The following NELL1 variants were observed in gnomAD, a reference collection of about 807,000 sequenced individuals.
NELL1 encodes the protein neural EGFL like 1.
A neutral mutation model predicts 107.4 loss-of-function variants in NELL1; 76 were observed. That is an observed-to-expected ratio of 0.71 (90% CI 0.59 to 0.86). The LOEUF is 0.86. NELL1 is among the 40% of genes least tolerant of loss of function. The probability of loss-of-function intolerance (pLI) is 0.00; values close to 1 mark genes in which losing one functional copy is unlikely to be tolerated. For synonymous variants in NELL1, 353 were observed against 341.2 expected, an observed-to-expected ratio of 1.03 and a Z score of -0.38; for missense variants, 1,024 against 1,005.5, an observed-to-expected ratio of 1.02 and a Z score of -0.25.
At chr11:21,522,106 T>G (rs1048772417) in intron 15 of NELL1, among the ~76,000 whole-genome samples, 1 of 152,006 alleles carries the variant, frequency 6.6e-6, no homozygotes, top group East Asian at 1.9e-4. Context: ...AAAAGATACC[T>G]GCCTGTAGTC....
chr11:21,083,780 C>G (rs576701330), intron 12 of NELL1, among the ~76,000 whole-genome samples: 2 of 152,296 alleles, frequency 1.3e-5, no homozygotes, highest in South Asian at 2.1e-4. Flanking sequence ...GGTCTTATTA[C>G]TGTCCCTCAC....
intron 4 of NELL1, among the ~76,000 whole-genome samples, chr11:20,849,530 C>T (rs1430315982): frequency 6.6e-6 from 1 of 152,178 alleles, no homozygotes; most frequent in Non-Finnish European, 1.5e-5. Context: ...ATCTGTAGTT[C>T]ACAGTATTCT....
chr11:20,694,261 A>T (rs1432167589), intron 2 of NELL1, among the ~76,000 whole-genome samples: 4 of 151,576 alleles, frequency 2.6e-5, no homozygotes, highest in Non-Finnish European at 1.5e-5. Flanking sequence ...TAGTTTGATC[A>T]TCTGAAGCCT....
intron 12 of NELL1, among the ~76,000 whole-genome samples, chr11:21,035,341 T>C (rs541109979): frequency 2.4e-4 from 37 of 151,924 alleles, no homozygotes; most frequent in African/African-American, 8.7e-4. Flanking sequence ...ATTCCAAAAA[T>C]CGAGGAGGAA....
chr11:20,956,518 C>T (rs750554887), intron 11 of NELL1, among the ~76,000 whole-genome samples: 2 of 151,644 alleles, frequency 1.3e-5, no homozygotes, highest in East Asian at 2.0e-4. Flanking sequence ...TGGTGGCGGG[C>T]GCCCGTAGTC....
intron 15 of NELL1, among the ~76,000 whole-genome samples, chr11:21,409,089 C>T (rs901929159): frequency 9.9e-5 from 15 of 151,884 alleles, no homozygotes; most frequent in Non-Finnish European, 2.1e-4. Flanking sequence ...GGGCATATAC[C>T]CAAAGGACTA....
chr11:21,504,924 G>A (rs969649730), intron 15 of NELL1, among the ~76,000 whole-genome samples: 4 of 152,038 alleles, frequency 2.6e-5, no homozygotes, highest in Non-Finnish European at 5.9e-5. Context: ...AGAGTTAAGG[G>A]TATTCTAGCT....
chr11:20,967,812 C>G lies in NELL1; in HGVS notation c.1300+7252C>G, dbSNP rs116225752. On this transcript the variant is annotated intron_variant, in intron 12 of 19. Transcript: ENST00000357134. ...ATGCTACTCTCCTGTTGAAATTTGT[C>G]TCATAGCTCCCATGCCTCTTAGAAT... 4.1e-3 allele frequency among the ~76,000 whole-genome samples: 624 copies of G among 152,278 alleles called. 8 individuals are homozygous for G. Among genetic ancestry groups the G allele is most frequent in the African/African-American group, 0.014 (587 of 41,546 alleles).
intron 12 of NELL1, among the ~76,000 whole-genome samples, chr11:20,973,383 C>T (rs1851540771): frequency 1.3e-5 from 2 of 152,310 alleles, no homozygotes; most frequent in South Asian, 4.1e-4. Flanking sequence ...GTTGGGATTA[C>T]AGGCATGAGC....
At chr11:20,692,004 T>C (rs1204250781) in intron 2 of NELL1, among the ~76,000 whole-genome samples, 8 of 152,072 alleles carry the variant, frequency 5.3e-5, no homozygotes, top group Non-Finnish European at 8.8e-5. Flanking sequence ...CTTCCTGGTT[T>C]AGTCTTGGGA....
intron 14 of NELL1, among the ~76,000 whole-genome samples, chr11:21,335,688 C>G (rs1850373999): frequency 6.6e-6 from 1 of 152,028 alleles, no homozygotes; most frequent in Non-Finnish European, 1.5e-5. Flanking sequence ...TAGGTCCTTT[C>G]CCCACCCTCT....
At chr11:21,209,059 G>T (rs1857445918) in intron 13 of NELL1, among the ~76,000 whole-genome samples, 1 of 152,024 alleles carries the variant, frequency 6.6e-6, no homozygotes, top group Non-Finnish European at 1.5e-5. Context: ...AACTGTAGTG[G>T]GATCCTACTG....
At chr11:21,001,774 T>G (rs1590524542) in intron 12 of NELL1, among the ~76,000 whole-genome samples, 5 of 149,298 alleles carry the variant, frequency 3.3e-5, no homozygotes, top group East Asian at 2.0e-4. Flanking sequence ...TCTGTCTTCC[T>G]CTTAAGCCTA....
chr11:21,083,046 A>T (rs1365074310), intron 12 of NELL1, among the ~76,000 whole-genome samples: 1 of 152,246 alleles, frequency 6.6e-6, no homozygotes, highest in Non-Finnish European at 1.5e-5. Flanking sequence ...GAATATTCAG[A>T]TAGAGGTCTC....
chr11:21,206,224 C>T (rs2133854540), intron 13 of NELL1, among the ~76,000 whole-genome samples: 1 of 152,250 alleles, frequency 6.6e-6, no homozygotes, highest in South Asian at 2.1e-4. Context: ...CCTCTTCCAC[C>T]TTCTGGTGGC....
chr11:20,907,015 G>A (rs1459294396), intron 5 of NELL1, among the ~76,000 whole-genome samples: 1 of 151,930 alleles, frequency 6.6e-6, no homozygotes, highest in Non-Finnish European at 1.5e-5. Context: ...ATAAGTAAAT[G>A]CATTCAAATT....
At chr11:20,836,153 AAAG>A (rs978487554) in intron 3 of NELL1, among the ~76,000 whole-genome samples, 3 of 152,174 alleles carry the variant, frequency 2.0e-5, no homozygotes, top group Admixed American at 6.5e-5. Context: ...ACATCTTACT[AAAG>A]AAGATATGTG....
chr11:20,725,231 T>C (rs992429991), intron 2 of NELL1, among the ~76,000 whole-genome samples: 21 of 152,236 alleles, frequency 1.4e-4, no homozygotes, highest in African/African-American at 5.1e-4. Context: ...AATTCATCTG[T>C]TGACTCCCAA....
chr11:20,913,915 G>A (rs183597187), intron 5 of NELL1, among the ~76,000 whole-genome samples: 1 of 152,186 alleles, frequency 6.6e-6, no homozygotes, highest in African/African-American at 2.4e-5. Flanking sequence ...CTGAAAAACT[G>A]TCTTAGCAAA....
Sources: allele counts gnomAD v4.1 joint callset (sites outside exome capture counted in the v4.1 genomes callset), GRCh38; gene constraint gnomAD v4.1.1; transcripts MANE v1.5; gene names NCBI Gene and HGNC (gene_info 2026-07-23, HGNC 2026-07-21).